CPA5: variants seen among roughly 807,000 people sequenced by gnomAD.
CPA5 encodes testicular tissue protein Li 32.
Under a neutral mutation model 52.2 loss-of-function variants are expected in CPA5, and 38 were observed. The ratio of observed to expected loss-of-function variants is 0.73; its 90% CI spans 0.56 to 0.95. The LOEUF (loss-of-function observed/expected upper bound fraction) is 0.95. Among genes scored for constraint, CPA5 ranks in the 40% least tolerant of loss-of-function variants. CPA5 has a pLI of 0.00. For missense variants in CPA5, 519 were observed against 566.7 expected, an observed-to-expected ratio of 0.92 and a Z score of 0.86; for synonymous variants, 198 against 213.7, an observed-to-expected ratio of 0.93 and a Z score of 0.64.
intron 6 of CPA5, among the ~76,000 whole-genome samples, chr7:130,360,248 A>G (rs1554406260): frequency 8.5e-5 from 13 of 152,204 alleles, no homozygotes; most frequent in Non-Finnish European, 1.5e-5. Flanking sequence ...CCAGCTAGGG[A>G]CCTAGGGCTC....
chr7:130,346,861 C>A (rs901269216), intron 3 of CPA5, among the ~76,000 whole-genome samples: 3 of 152,170 alleles, frequency 2.0e-5, no homozygotes, highest in Non-Finnish European at 2.9e-5. Context: ...CCCCTGAAAC[C>A]ACATGCAACA....
At chr7:130,347,964 G>A in intron 4 of CPA5, 117 bp downstream of exon 4, 1 of 723,868 alleles carries the variant, frequency 1.4e-6, no homozygotes, top group Non-Finnish European at 2.3e-6. Flanking sequence ...CCTGCAAAGA[G>A]CACAGACCTG....
chr7:130,361,913 A>C (rs970890644), intron 7 of CPA5, among the ~76,000 whole-genome samples: 29 of 152,208 alleles, frequency 1.9e-4, no homozygotes, highest in African/African-American at 6.5e-4. Flanking sequence ...TCCTCCGAGC[A>C]GCCAAGTGGA....
Position 130,368,689 on chromosome 7 carries a change from T to C in CPA5, c.*92T>C. The C allele has an allele frequency of 7.7e-7, 1 of 1,292,572 alleles. No individual in the cohort carries two copies. Among genetic ancestry groups the C allele is most frequent in the South Asian group, 1.3e-5 (1 of 78,628 alleles). The allele number at this position is 1,292,572 out of a possible 1,614,324, so 80.1% of individuals were successfully genotyped here. ...GTTATGCATCCCCATCCCCATGCCC[T>C]CATCCCGACCTCTTAGAAAATAAAT... On this transcript the variant is annotated 3_prime_UTR_variant, in exon 13 of 13. Coordinates refer to ENST00000474905, the MANE Select transcript of CPA5 (RefSeq NM_080385.5).
Position 130,352,075 on chromosome 7 carries a change from G to A in CPA5, c.333+1966G>A, listed in dbSNP as rs185930910. On this transcript the variant is annotated intron_variant, in intron 5 of 12. Coordinates refer to ENST00000474905, the MANE Select transcript of CPA5 (RefSeq NM_080385.5). ...CAGTGGAACTAATAGACATTCATTA[G>A]GAGGAGGAAAGGAAAGAGGAGTGGT... Among the ~76,000 whole-genome samples the A allele has an allele frequency of 2.6e-5, 4 of 152,266 alleles. No individual in the cohort carries two copies. In the East Asian group the frequency reaches 7.7e-4, roughly 29 times the overall value.
chr7:130,363,820 A>G (rs17164853), intron 10 of CPA5, among the ~76,000 whole-genome samples: 37,524 of 151,984 alleles, frequency 0.25, 5,428 homozygotes, highest in African/African-American at 0.4. Context: ...ACAGAGAAAG[A>G]CTTAAAGGAG....
intron 7 of CPA5, among the ~76,000 whole-genome samples, chr7:130,361,921 G>C (rs543118086): frequency 1.3e-5 from 2 of 152,288 alleles, no homozygotes; most frequent in Non-Finnish European, 2.9e-5. Context: ...GCAGCCAAGT[G>C]GACCCACCTA....
chr7:130,348,440 C>T (rs565460514), intron 4 of CPA5, among the ~76,000 whole-genome samples: 64 of 152,290 alleles, frequency 4.2e-4, no homozygotes, highest in South Asian at 2.3e-3. Context: ...CTGAGTGTCC[C>T]GTCGACTGGG....
chr7:130,365,099 A>G (rs1238440643), intron 10 of CPA5, among the ~76,000 whole-genome samples: 1 of 152,200 alleles, frequency 6.6e-6, no homozygotes, highest in African/African-American at 2.4e-5. Context: ...TTGCTTTTAA[A>G]ATCTGGCTTC....
chr7:130,360,194 G>A (rs946322046), intron 6 of CPA5, among the ~76,000 whole-genome samples: 8 of 152,234 alleles, frequency 5.3e-5, no homozygotes, highest in African/African-American at 1.9e-4. Context: ...GCCACATTTT[G>A]TGTTTCTTTC....
At chr7:130,356,014 T>A (rs1268079875) in intron 5 of CPA5, among the ~76,000 whole-genome samples, 1 of 152,174 alleles carries the variant, frequency 6.6e-6, no homozygotes, top group Admixed American at 6.5e-5. Flanking sequence ...CCACATCCAG[T>A]GCCACAGGAC....
Position 130,346,489 on chromosome 7 carries a change from C to G in CPA5, c.4C>G (p.Gln2Glu). The G allele has an allele frequency of 6.2e-7, 1 of 1,610,980 alleles. No individual in the cohort carries two copies. Residue 2 changes from glutamine to glutamate, a missense_variant, in exon 3 of 13, where the codon CAG becomes GAG. Physicochemically the swap from Gln to Glu is conservative, Grantham distance 29. Transcript: ENST00000474905. Reference protein sequence around the residue: MQGTPGGGTRPG... With the variant: MEGTPGGGTRPG... The stretch of plus-strand genomic sequence containing the variant: ...AAGCTCACCAGGAGGAAGAAGCATG[C>G]AGGGCACCCCTGGAGGCGGGACGCG...
the CPA5 span, among the ~76,000 whole-genome samples, chr7:130,374,033 T>G: frequency 6.6e-6 from 1 of 151,656 alleles, no homozygotes; most frequent in Non-Finnish European, 1.5e-5. Flanking sequence ...TTTGTTGACG[T>G]TCCAGAGCCA....
At chr7:130,367,320 CTG>C (rs1416678797) in intron 10 of CPA5, 50 bp from the exon 11 acceptor site, 31 of 1,522,488 alleles carry the variant, frequency 2.0e-5, no homozygotes, top group Non-Finnish European at 2.7e-5. Context: ...TGAGCACCGT[CTG>C]TGTCGCACGT....
chr7:130,359,203 C>G (rs562092776), intron 5 of CPA5, among the ~76,000 whole-genome samples: 1 of 152,048 alleles, frequency 6.6e-6, no homozygotes, highest in African/African-American at 2.4e-5. Context: ...CACCTTTTTT[C>G]CCCCAAAAAC....
At position 130,367,946 on chromosome 7, in the gene CPA5, T is replaced by C. The variant is rs1554409015; in HGVS notation, c.1079T>C (p.Val360Ala). ...AKDAVEALYK[V>A]HGIEYIFGSI... is the part of the protein sequence containing the mutation. ...GATGCGGTGGAGGCCTTGTATAAGG[T>C]CCATGGGATCGAGTACATTTTTGGC... The change falls in exon 12 of 13, where the codon GTC (valine) becomes GCC (alanine). Residue 360 changes from valine to alanine, a missense_variant. Transcript: ENST00000474905. 1 of 1,614,118 alleles carries C rather than the reference T, an allele frequency of 6.2e-7. No individual in the cohort carries two copies. Among genetic ancestry groups the C allele is most frequent in the South Asian group, 1.1e-5 (1 of 91,072 alleles).
intron 4 of CPA5, among the ~76,000 whole-genome samples, chr7:130,348,309 AG>A (rs1794903066): frequency 6.6e-6 from 1 of 152,218 alleles, no homozygotes; most frequent in South Asian, 2.1e-4. Flanking sequence ...TGTCCTCTGC[AG>A]GTTTTCACAA....
At chr7:130,370,443 G>A (rs1225311281), downstream of CPA5, among the ~76,000 whole-genome samples, 2 of 152,102 alleles carry the variant, frequency 1.3e-5, no homozygotes, top group Non-Finnish European at 2.9e-5. Flanking sequence ...ATAAGCTAGA[G>A]GTAAATAAAG....
At chr7:130,372,021 G>A (rs1448389471), downstream of CPA5, among the ~76,000 whole-genome samples, 8 of 152,154 alleles carry the variant, frequency 5.3e-5, no homozygotes, top group African/African-American at 1.9e-4. Flanking sequence ...CTTTGTGTGT[G>A]CTGCTTTCCT....
Sources: gnomAD v4.1 joint callset for allele counts (sites outside exome capture counted in the v4.1 genomes callset) on GRCh38, gnomAD v4.1.1 for gene constraint, MANE v1.5 for transcripts, NCBI Gene and HGNC (gene_info 2026-07-23, HGNC 2026-07-21) for gene names.